MAGI2: variants seen among roughly 807,000 people sequenced by gnomAD.
MAGI2 encodes the protein membrane associated guanylate kinase, WW and PDZ domain containing 2, also known as membrane-associated guanylate kinase, WW and PDZ domain-containing protein 2.
In MAGI2, 35 loss-of-function variants were observed where a neutral mutation model predicts 133.3. That is an observed-to-expected ratio of 0.26 (90% confidence interval 0.20 to 0.35). MAGI2 has a LOEUF of 0.35. MAGI2 is among the 10% of genes least tolerant of loss of function. MAGI2 has a pLI of 1.00. For synonymous variants in MAGI2, 729 were observed against 710.6 expected, an observed-to-expected ratio of 1.03 and a Z score of -0.41; for missense variants, 1,636 against 1,863.4, an observed-to-expected ratio of 0.88 and a Z score of 2.25.
chr7:79,431,084 A>G lies in MAGI2; in HGVS notation c.301+21936T>C, dbSNP rs142880912. ...ATCATAATAATTGGAACCAGCAGAAAGAAATAGCTGATGCTGCTAGGCAAG... is the reference window on the plus strand; with the variant it reads ...ATCATAATAATTGGAACCAGCAGAAGGAAATAGCTGATGCTGCTAGGCAAG... On this transcript the variant is annotated intron_variant, in intron 1 of 21. Transcript: ENST00000354212. 2.9e-3 allele frequency among the ~76,000 whole-genome samples: 443 copies of G among 152,340 alleles called. 2 individuals are homozygous for G. Among genetic ancestry groups the G allele is most frequent in the African/African-American group, 0.01 (429 of 41,588 alleles).
chr7:79,390,535 T>C (rs1005953726), intron 1 of MAGI2, among the ~76,000 whole-genome samples: 1 of 152,136 alleles, frequency 6.6e-6, no homozygotes, highest in Non-Finnish European at 1.5e-5. Context: ...TTATTTTCAG[T>C]ATGAGATGCT....
chr7:78,178,141 C>A, intron 13 of MAGI2, 39 bp from the exon 14 acceptor site: 1 of 1,305,738 alleles, frequency 7.7e-7, no homozygotes, highest in South Asian at 1.2e-5. Context: ...TGAATCCTGC[C>A]TCTTTCCCAG....
chr7:78,175,545 G>C (rs1052052778), intron 14 of MAGI2, among the ~76,000 whole-genome samples: 1 of 152,110 alleles, frequency 6.6e-6, no homozygotes, highest in East Asian at 1.9e-4. Context: ...CTGGTGTGTG[G>C]GTGGGTGTTC....
chr7:78,989,884 A>G (rs1805597721), intron 2 of MAGI2, among the ~76,000 whole-genome samples: 1 of 151,968 alleles, frequency 6.6e-6, no homozygotes, highest in South Asian at 2.1e-4. Context: ...GCACTCTATT[A>G]TCTATTTTAT....
chr7:79,388,158 C>A lies in MAGI2; in HGVS notation c.301+64862G>T, dbSNP rs183787138. On this transcript the variant is annotated intron_variant, in intron 1 of 21. Transcript: ENST00000354212. ...TTTCCTTTGGCTCTGGTATAATTCTCTTCTATTAAGACCATTCATTTTTCT... is the reference window on the plus strand; with the variant it reads ...TTTCCTTTGGCTCTGGTATAATTCTATTCTATTAAGACCATTCATTTTTCT... Among the ~76,000 whole-genome samples the A allele has an allele frequency of 4.0e-3, 603 of 152,020 alleles. 9 individuals carry two copies. Among genetic ancestry groups the A allele is most frequent in the African/African-American group, 0.014 (581 of 41,528 alleles).
At chr7:79,325,981 A>G (rs944574859) in intron 1 of MAGI2, among the ~76,000 whole-genome samples, 1 of 152,140 alleles carries the variant, frequency 6.6e-6, no homozygotes, top group Non-Finnish European at 1.5e-5. Flanking sequence ...ACATTTGACC[A>G]TCTCCCCAAA....
intron 3 of MAGI2, among the ~76,000 whole-genome samples, chr7:78,600,673 C>T (rs1805103545): frequency 6.6e-6 from 1 of 152,062 alleles, no homozygotes; most frequent in Middle Eastern, 3.4e-3. Flanking sequence ...ATAATATTTA[C>T]ATAATTATAA....
intron 1 of MAGI2, among the ~76,000 whole-genome samples, chr7:79,117,584 T>G (rs1018223260): frequency 2.6e-5 from 4 of 152,204 alleles, no homozygotes; most frequent in Non-Finnish European, 5.9e-5. Flanking sequence ...TATTATTCAT[T>G]ATAATTGCTA....
At chr7:78,897,725 A>G (rs928331366) in intron 2 of MAGI2, among the ~76,000 whole-genome samples, 26 of 152,316 alleles carry the variant, frequency 1.7e-4, no homozygotes, top group African/African-American at 6.0e-4. Context: ...TTTGTGCAGT[A>G]TGGCTATTTT....
chr7:78,835,057 T>C (rs903310887), intron 2 of MAGI2, among the ~76,000 whole-genome samples: 19 of 152,194 alleles, frequency 1.2e-4, no homozygotes, highest in African/African-American at 4.6e-4. Flanking sequence ...GGTATTTCTT[T>C]ACAGCAGTGC....
intron 1 of MAGI2, among the ~76,000 whole-genome samples, chr7:79,078,165 C>A (rs1041636627): frequency 2.0e-5 from 3 of 152,146 alleles, no homozygotes. Flanking sequence ...AGAAAGCAAT[C>A]AGCCTTTCAT....
chr7:79,250,065 A>C (rs1048676192), intron 1 of MAGI2, among the ~76,000 whole-genome samples: 1 of 152,154 alleles, frequency 6.6e-6, no homozygotes, highest in Admixed American at 6.5e-5. Flanking sequence ...GATGATAAAA[A>C]AGCATTTAGT....
intron 13 of MAGI2, among the ~76,000 whole-genome samples, chr7:78,184,118 G>A (rs1052145733): frequency 1.3e-5 from 2 of 152,188 alleles, no homozygotes; most frequent in South Asian, 4.1e-4. Context: ...GTTTTTAAAT[G>A]AAGTGCATTC....
At chr7:79,110,512 G>A (rs1016430486) in intron 1 of MAGI2, among the ~76,000 whole-genome samples, 1 of 152,192 alleles carries the variant, frequency 6.6e-6, no homozygotes, top group African/African-American at 2.4e-5. Flanking sequence ...CTTTTGGAAT[G>A]GGAATGTTTA....
intron 10 of MAGI2, among the ~76,000 whole-genome samples, chr7:78,240,290 A>G (rs895243868): frequency 3.9e-5 from 6 of 152,014 alleles, no homozygotes; most frequent in Non-Finnish European, 7.4e-5. Context: ...AGCTTCATCC[A>G]TGTCCCTGCA....
At chr7:79,360,530 A>C (rs2129122044) in intron 1 of MAGI2, among the ~76,000 whole-genome samples, 1 of 152,234 alleles carries the variant, frequency 6.6e-6, no homozygotes. Flanking sequence ...ACTGAAACAA[A>C]AATTATAACA....
intron 1 of MAGI2, among the ~76,000 whole-genome samples, chr7:79,302,140 C>T (rs758372623): frequency 2.0e-5 from 3 of 152,118 alleles, no homozygotes; most frequent in African/African-American, 7.2e-5. Flanking sequence ...TGGCCTAATA[C>T]AGTCAGTAAA....
At chr7:78,252,576 A>C (rs1028751424) in intron 10 of MAGI2, 2 of 152,094 alleles carry the variant, frequency 1.3e-5, no homozygotes, top group African/African-American at 4.8e-5. Flanking sequence ...TTTTTAGAAG[A>C]AAACACAAGA....
intron 21 of MAGI2, among the ~76,000 whole-genome samples, chr7:78,045,051 C>T (rs1426417275): frequency 6.6e-6 from 1 of 152,124 alleles, no homozygotes; most frequent in Non-Finnish European, 1.5e-5. Flanking sequence ...CCTGTAGTCC[C>T]AGCTACTTGG....
Sources: allele counts gnomAD v4.1 joint callset (sites outside exome capture counted in the v4.1 genomes callset), GRCh38; gene constraint gnomAD v4.1.1; transcripts MANE v1.5; gene names NCBI Gene and HGNC (gene_info 2026-07-23, HGNC 2026-07-21).